GRK5: variants seen among roughly 807,000 people sequenced by gnomAD.
The protein encoded by GRK5 is G protein-coupled receptor kinase 5.
In GRK5, 40 loss-of-function variants were observed where a neutral mutation model predicts 78.4. The observed-to-expected ratio is 0.51, with a 90% CI of 0.40 to 0.66. The LOEUF is 0.66. GRK5 is among the 30% of genes least tolerant of loss of function. The probability of loss-of-function intolerance (pLI) is 0.00; values close to 1 mark genes in which losing one functional copy is unlikely to be tolerated. For missense variants in GRK5, 598 were observed against 759.9 expected, an observed-to-expected ratio of 0.79 and a Z score of 2.50; for synonymous variants, 289 against 296.8, an observed-to-expected ratio of 0.97 and a Z score of 0.27.
intron 1 of GRK5, among the ~76,000 whole-genome samples, chr10:119,270,841 G>A (rs1849571527): frequency 6.6e-6 from 1 of 152,196 alleles, no homozygotes; most frequent in Non-Finnish European, 1.5e-5. Flanking sequence ...TGCTTGGCAC[G>A]TTAGTGCAAA....
At chr10:119,390,032 G>A (rs1851863302) in intron 3 of GRK5, among the ~76,000 whole-genome samples, 2 of 152,214 alleles carry the variant, frequency 1.3e-5, no homozygotes, top group Non-Finnish European at 1.5e-5. Context: ...GAGTAATGGG[G>A]AAAGTTAAAG....
intron 3 of GRK5, among the ~76,000 whole-genome samples, chr10:119,387,892 T>A (rs1360981637): frequency 6.6e-6 from 1 of 152,128 alleles, no homozygotes; most frequent in South Asian, 2.1e-4. Context: ...ACAGGAGAAC[T>A]AAGTTCCTGC....
At chr10:119,384,076 C>G (rs544499594) in intron 3 of GRK5, among the ~76,000 whole-genome samples, 2 of 152,320 alleles carry the variant, frequency 1.3e-5, no homozygotes, top group South Asian at 4.1e-4. Context: ...CGGAGTCTTT[C>G]TTCAGCTCTG....
In GRK5 at chr10:119,235,159, T is replaced by TG. The variant is rs1192139257; in HGVS notation, c.52+27190_52+27191insG. ...ACTGGCTAATTTTTTTTTATTTTTT[T>TG]TATTTTTGTAGAGACGGTTTCACCA... On this transcript the variant is annotated intron_variant, in intron 1 of 15. Coordinates refer to ENST00000392870, the MANE Select transcript of GRK5 (RefSeq NM_005308.3). Among the ~76,000 whole-genome samples, 781 of 147,130 alleles carry TG rather than the reference T, an allele frequency of 5.3e-3. 11 individuals carry two copies. The highest frequency in any genetic ancestry group is 0.011 in the African/African-American group (426 of 40,192).
intron 1 of GRK5, among the ~76,000 whole-genome samples, chr10:119,280,961 G>A (rs1349406736): frequency 6.6e-6 from 1 of 151,822 alleles, no homozygotes; most frequent in Non-Finnish European, 1.5e-5. Context: ...TGTATTTTTA[G>A]TAGAGACGGG....
At chr10:119,393,123 G>T (rs1367086630) in intron 3 of GRK5, among the ~76,000 whole-genome samples, 1 of 152,244 alleles carries the variant, frequency 6.6e-6, no homozygotes. Flanking sequence ...GGCCACTGTG[G>T]AGACATGGCC....
chr10:119,283,190 A>G (rs2133692262), intron 1 of GRK5, among the ~76,000 whole-genome samples: 1 of 152,220 alleles, frequency 6.6e-6, no homozygotes, highest in South Asian at 2.1e-4. Context: ...ACCAAAAACA[A>G]CATAGCAATA....
intron 1 of GRK5, among the ~76,000 whole-genome samples, chr10:119,280,995 G>C (rs1388083253): frequency 6.6e-6 from 1 of 151,582 alleles, no homozygotes; most frequent in African/African-American, 2.4e-5. Flanking sequence ...AGTCAGGCTG[G>C]TCTCAGACTG....
chr10:119,366,970 A>T (rs1031589123), intron 2 of GRK5, among the ~76,000 whole-genome samples: 1 of 152,184 alleles, frequency 6.6e-6, no homozygotes, highest in African/African-American at 2.4e-5. Flanking sequence ...GGCATCTAAA[A>T]TGTGGGCTGA....
At chr10:119,275,233 A>G (rs1849648967) in intron 1 of GRK5, among the ~76,000 whole-genome samples, 2 of 152,152 alleles carry the variant, frequency 1.3e-5, no homozygotes, top group South Asian at 4.1e-4. Context: ...CCTGGAGTAA[A>G]GTGTCAGGGC....
intron 1 of GRK5, among the ~76,000 whole-genome samples, chr10:119,304,284 CTTTTTTTTTTTTT>C (rs59740732): frequency 2.7e-5 from 2 of 75,042 alleles, no homozygotes; most frequent in Admixed American, 1.7e-4. Flanking sequence ...GTGTGAGCTG[CTTTTTTTTTTTTT>C]TTTTTTTTTT....
chr10:119,325,372 C>A (rs1426233430), intron 1 of GRK5, among the ~76,000 whole-genome samples: 1 of 152,138 alleles, frequency 6.6e-6, no homozygotes, highest in Non-Finnish European at 1.5e-5. Flanking sequence ...TGGGAGAGGG[C>A]TGGAGCTGAG....
chr10:119,238,142 G>C lies in GRK5; in HGVS notation c.52+30173G>C, dbSNP rs755721802. Among the ~76,000 whole-genome samples the C allele has an allele frequency of 6.6e-6, 1 of 152,168 alleles. No homozygotes were observed. Among genetic ancestry groups the C allele is most frequent in the Non-Finnish European group, 1.5e-5 (1 of 68,036 alleles). ...CTGACTATTTCCTGGGTCCAGAGAG[G>C]GTTTTCTGGTCTGAAGAGGAGAGTG... On this transcript the variant is annotated intron_variant, in intron 1 of 15. Transcript: ENST00000392870. The surrounding 1 kb of genome is among the most constrained non-coding windows in gnomAD (Gnocchi z 4.7).
At chr10:119,223,380 G>A (rs1848687362) in intron 1 of GRK5, among the ~76,000 whole-genome samples, 1 of 152,202 alleles carries the variant, frequency 6.6e-6, no homozygotes, top group Admixed American at 6.5e-5. Context: ...GGAGGACGCA[G>A]TGAACCCTGG....
At chr10:119,233,901 A>G (rs1356852721) in intron 1 of GRK5, among the ~76,000 whole-genome samples, 1 of 152,212 alleles carries the variant, frequency 6.6e-6, no homozygotes, top group Non-Finnish European at 1.5e-5. Context: ...TTAGGAAACA[A>G]ACATCCCAGT....
At position 119,342,294 on chromosome 10, in the gene GRK5, G is replaced by A. The variant is rs114113282; in HGVS notation, c.148+15683G>A. The stretch of plus-strand genomic sequence containing the variant: ...AGCCATTGAGCTGCTAAACCAAACC[G>A]GTGCTGCTGGATTGGGACGGAGACA... On this transcript the variant is annotated intron_variant, in intron 2 of 15. Coordinates refer to ENST00000392870, the MANE Select transcript of GRK5 (RefSeq NM_005308.3). Among the ~76,000 whole-genome samples, 809 of 152,358 alleles carry A rather than the reference G, an allele frequency of 5.3e-3. 4 individuals are homozygous for A. The highest frequency in any genetic ancestry group is 0.019 in the African/African-American group (777 of 41,584).
At chr10:119,309,819 A>G (rs981786189) in intron 1 of GRK5, among the ~76,000 whole-genome samples, 1 of 152,204 alleles carries the variant, frequency 6.6e-6, no homozygotes, top group East Asian at 1.9e-4. Flanking sequence ...TTGAGCCAGC[A>G]TCATCCTTGT....
rs117215371 is a variant in GRK5 at position 119,357,456 on chromosome 10, C to T, written c.149-23359C>T. On this transcript the variant is annotated intron_variant, in intron 2 of 15. Transcript: ENST00000392870. ...GGAAAGGCTGTGGCTGATAATGAGA[C>T]GCGGGTAACCCTGGTGGATATCGTT... Among the ~76,000 whole-genome samples the T allele has an allele frequency of 3.0e-4, 46 of 152,262 alleles. 1 individual carries two copies. In the East Asian group the frequency reaches 7.7e-3, roughly 26 times the overall value.
chr10:119,424,917 A>G (rs995731407), intron 5 of GRK5, 76 bp from the exon 6 acceptor site: 5 of 1,050,248 alleles, frequency 4.8e-6, no homozygotes, highest in Non-Finnish European at 7.5e-6. Flanking sequence ...GCATTTCCAA[A>G]GCTGGACACA....
Sources: gnomAD v4.1 joint callset for allele counts (sites outside exome capture counted in the v4.1 genomes callset) on GRCh38, gnomAD v4.1.1 for gene constraint, Gnocchi (gnomAD v3.1) non-coding constraint, MANE v1.5 for transcripts, NCBI Gene and HGNC (gene_info 2026-07-23, HGNC 2026-07-21) for gene names.